The following AKAP12 variants were observed in gnomAD, a reference collection of about 807,000 sequenced individuals.
AKAP12 encodes the protein A-kinase anchoring protein 12, also known as A-kinase anchor protein 12.
A neutral mutation model predicts 79.9 loss-of-function variants in AKAP12; 32 were observed. The observed-to-expected ratio is 0.40, with a 90% CI of 0.30 to 0.54. The LOEUF is 0.54. Among genes scored for constraint, AKAP12 ranks in the 20% least tolerant of loss-of-function variants. The pLI is 0.48. For missense variants in AKAP12, 2,074 were observed against 2,177.0 expected (o/e 0.95, Z 0.94); for synonymous variants, 808 against 857.0 (o/e 0.94, Z 1.00).
At chr6:151,321,912 T>G (rs371150034) in intron 3 of AKAP12, among the ~76,000 whole-genome samples, 22,459 of 143,424 alleles carry the variant, frequency 0.16, 2,078 homozygotes, top group Admixed American at 0.21. Context: ...TGTTTTTTTT[T>G]TTTTTTTTTT....
chr6:151,313,401 A>C (rs1777163336), intron 3 of AKAP12, among the ~76,000 whole-genome samples: 1 of 152,236 alleles, frequency 6.6e-6, no homozygotes, highest in Non-Finnish European at 1.5e-5. Context: ...GAGGGAACAC[A>C]CACAAAATAG....
At chr6:151,263,090 C>T (rs555924359) in intron 2 of AKAP12, among the ~76,000 whole-genome samples, 4 of 152,254 alleles carry the variant, frequency 2.6e-5, no homozygotes, top group South Asian at 4.1e-4. Context: ...GGCTGGAGTG[C>T]AGTAGTGCAA....
At chr6:151,285,980 C>T (rs549511002) in intron 2 of AKAP12, among the ~76,000 whole-genome samples, 1 of 151,580 alleles carries the variant, frequency 6.6e-6, no homozygotes. Context: ...TGAGTTCAAG[C>T]GATTCTTCTG....
At chr6:151,248,923 G>GT (rs1463495444) in intron 2 of AKAP12, among the ~76,000 whole-genome samples, 2 of 151,980 alleles carry the variant, frequency 1.3e-5, no homozygotes, top group African/African-American at 4.8e-5. Context: ...GGAGGTGGAG[G>GT]TTGCAGTGAG....
intron 2 of AKAP12, among the ~76,000 whole-genome samples, chr6:151,284,796 A>G (rs972658496): frequency 1.3e-5 from 2 of 152,152 alleles, no homozygotes; most frequent in Admixed American, 6.5e-5. Flanking sequence ...TGTTAGTACT[A>G]TGTGTCTTAG....
At chr6:151,346,113 G>C (rs950973611) in intron 3 of AKAP12, among the ~76,000 whole-genome samples, 3 of 151,954 alleles carry the variant, frequency 2.0e-5, no homozygotes, top group Non-Finnish European at 4.4e-5. Context: ...TTTCCAAGAA[G>C]ACCCAAAAAT....
chr6:151,272,710 A>G (rs1447373233), intron 2 of AKAP12, among the ~76,000 whole-genome samples: 2 of 151,716 alleles, frequency 1.3e-5, no homozygotes, highest in African/African-American at 2.4e-5. Context: ...TCATTTTTGT[A>G]TTTTTAGTAG....
intron 3 of AKAP12, among the ~76,000 whole-genome samples, chr6:151,309,081 G>T (rs1478422235): frequency 2.0e-5 from 3 of 152,098 alleles, no homozygotes; most frequent in Non-Finnish European, 4.4e-5. Flanking sequence ...CACCATGCTG[G>T]CCAGGCTGGT....
intron 2 of AKAP12, among the ~76,000 whole-genome samples, chr6:151,261,099 A>G (rs1446059750): frequency 6.6e-6 from 1 of 150,918 alleles, no homozygotes; most frequent in Non-Finnish European, 1.5e-5. Flanking sequence ...CTAAAAACCA[A>G]TGGTTTGGCC....
chr6:151,332,750 G>A (rs1371445174), intron 3 of AKAP12, among the ~76,000 whole-genome samples: 1 of 151,952 alleles, frequency 6.6e-6, no homozygotes, highest in African/African-American at 2.4e-5. Flanking sequence ...GGAGGTGCCT[G>A]TGAATTCGGG....
At chr6:151,324,371 G>A (rs1562739350) in intron 3 of AKAP12, 1 of 985,358 alleles carries the variant, frequency 1.0e-6, no homozygotes, top group Non-Finnish European at 1.2e-6. Context: ...GCAAGGAAGC[G>A]GTTTTCACGT....
At chr6:151,256,048 G>A (rs9322309) in intron 2 of AKAP12, among the ~76,000 whole-genome samples, 64,671 of 151,808 alleles carry the variant, frequency 0.43, 14,289 homozygotes, top group East Asian at 0.54. Flanking sequence ...ATCCGACAGT[G>A]CTCAGAGATA....
chr6:151,255,661 G>T (rs118176627), intron 2 of AKAP12, among the ~76,000 whole-genome samples: 8,736 of 152,038 alleles, frequency 0.057, 293 homozygotes, highest in African/African-American at 0.089. Flanking sequence ...ATGGTGGCAT[G>T]TGCCTATAGT....
At chr6:151,293,760 C>T (rs1483919568) in intron 2 of AKAP12, among the ~76,000 whole-genome samples, 1 of 152,120 alleles carries the variant, frequency 6.6e-6, no homozygotes, top group Non-Finnish European at 1.5e-5. Context: ...GGGCTTGTTC[C>T]CTGTCCTTAA....
intron 2 of AKAP12, among the ~76,000 whole-genome samples, chr6:151,251,357 C>T (rs1797170901): frequency 6.6e-6 from 1 of 152,108 alleles, no homozygotes; most frequent in Non-Finnish European, 1.5e-5. Context: ...GAGATAACAT[C>T]CGCACAGTAA....
chr6:151,344,385 A>T (rs910024493), intron 3 of AKAP12, among the ~76,000 whole-genome samples: 8 of 78,536 alleles, frequency 1.0e-4, no homozygotes, highest in Non-Finnish European at 1.9e-4. Flanking sequence ...ATCTATGAAT[A>T]TCCAAAAAAT....
At position 151,297,568 on chromosome 6, in the gene AKAP12, G is replaced by A. The variant is rs1383148237; in HGVS notation, c.163-8179G>A. Among the ~76,000 whole-genome samples the A allele has an allele frequency of 1.6e-3, 142 of 91,590 alleles. 1 individual carries two copies. The highest frequency in any genetic ancestry group is 1.7e-3 in the Non-Finnish European group (87 of 49,810). The allele number at this position is 91,590 out of a possible 152,430, so 60.1% of individuals were successfully genotyped here. On this transcript the variant is annotated intron_variant, in intron 2 of 4. Coordinates refer to ENST00000402676, the MANE Select transcript of AKAP12 (RefSeq NM_005100.4). Reference sequence around the variant, plus strand: ...AGCCTGGAGGACAGAGCATGAGTTCGTCTCAAAAAAAAAAAAAAAAAAGGC... The same window carrying A: ...AGCCTGGAGGACAGAGCATGAGTTCATCTCAAAAAAAAAAAAAAAAAAGGC...
chr6:151,313,739 T>A (rs752277485), intron 3 of AKAP12, among the ~76,000 whole-genome samples: 7 of 152,228 alleles, frequency 4.6e-5, no homozygotes, highest in Non-Finnish European at 1.0e-4. Flanking sequence ...GTAAATCAAC[T>A]AATTCTAGGG....
intron 3 of AKAP12, among the ~76,000 whole-genome samples, chr6:151,335,728 C>T (rs1490596051): frequency 6.6e-6 from 1 of 152,182 alleles, no homozygotes; most frequent in Admixed American, 6.5e-5. Context: ...CTGCCTCGGC[C>T]TCCCAAAGTG....
Sources: allele counts gnomAD v4.1 joint callset (sites outside exome capture counted in the v4.1 genomes callset), GRCh38; gene constraint gnomAD v4.1.1; transcripts MANE v1.5; gene names NCBI Gene and HGNC (gene_info 2026-07-23, HGNC 2026-07-21).